The following KCNIP4 variants were observed in gnomAD, a reference collection of about 807,000 sequenced individuals.
The protein encoded by KCNIP4 is potassium voltage-gated channel interacting protein 4.
In KCNIP4, 12 loss-of-function variants were observed where a neutral mutation model predicts 34.0. The ratio of observed to expected loss-of-function variants is 0.35; its 90% CI spans 0.23 to 0.57. The LOEUF (loss-of-function observed/expected upper bound fraction) is 0.57. KCNIP4 is among the 20% of genes least tolerant of loss of function. KCNIP4 has a pLI of 0.83. For missense variants in KCNIP4, 238 were observed against 311.7 expected, an observed-to-expected ratio of 0.76 and a Z score of 1.78; for synonymous variants, 124 against 102.2, an observed-to-expected ratio of 1.21 and a Z score of -1.29.
Position 20,729,385 on chromosome 4 carries a change from A to G in KCNIP4, c.*697T>C, listed in dbSNP as rs748021650. On this transcript the variant is annotated 3_prime_UTR_variant, in exon 9 of 9. Transcript: ENST00000382152. Reference sequence around the variant, plus strand: ...GATTGAACAAATCCAAAATTATTATATAGGCCTTGGCTGTAACATATTATG... The same window carrying G: ...GATTGAACAAATCCAAAATTATTATGTAGGCCTTGGCTGTAACATATTATG... 4.6e-5 allele frequency: 7 copies of G among 152,330 alleles called. No individual in the cohort carries two copies. Among genetic ancestry groups the G allele is most frequent in the Admixed American group, 1.3e-4 (2 of 15,224 alleles). The allele number at this position is 152,330 out of a possible 1,614,324, so 9.4% of individuals were successfully genotyped here.
At chr4:21,064,294 T>C (rs533164389) in intron 1 of KCNIP4, among the ~76,000 whole-genome samples, 15 of 152,160 alleles carry the variant, frequency 9.9e-5, no homozygotes, top group Admixed American at 2.0e-4. Context: ...ACATATATTA[T>C]ACAGACAAGT....
intron 1 of KCNIP4, among the ~76,000 whole-genome samples, chr4:21,419,772 A>G (rs145386838): frequency 2.0e-5 from 3 of 152,286 alleles, no homozygotes; most frequent in African/African-American, 7.2e-5. Context: ...TAAACAATCC[A>G]AGGAGAGAAG....
intron 1 of KCNIP4, among the ~76,000 whole-genome samples, chr4:21,824,490 A>G (rs1722555135): frequency 6.6e-6 from 1 of 152,124 alleles, no homozygotes; most frequent in Admixed American, 6.6e-5. Context: ...CAGACCAGTA[A>G]TCTGGCTCAA....
chr4:21,586,095 A>G lies in KCNIP4; in HGVS notation c.61+362476T>C, dbSNP rs929677924. 2.6e-5 allele frequency among the ~76,000 whole-genome samples: 4 copies of G among 152,120 alleles called. 1 individual carries two copies. The highest frequency in any genetic ancestry group is 9.7e-5 in the African/African-American group (4 of 41,446). ...TTAATTTTCTCAGCAATTAATTAAGAACCAGCAATGAGTTAAGAACTCCAT... is the reference window on the plus strand; with the variant it reads ...TTAATTTTCTCAGCAATTAATTAAGGACCAGCAATGAGTTAAGAACTCCAT... On this transcript the variant is annotated intron_variant, in intron 1 of 8. Transcript: ENST00000382152.
At chr4:21,201,808 A>G (rs747313906) in intron 1 of KCNIP4, among the ~76,000 whole-genome samples, 8 of 152,174 alleles carry the variant, frequency 5.3e-5, no homozygotes, top group Non-Finnish European at 1.2e-4. Context: ...CATCACAGGT[A>G]TTTTCTAAGT....
intron 1 of KCNIP4, among the ~76,000 whole-genome samples, chr4:21,503,315 T>C (rs1182211761): frequency 2.6e-5 from 4 of 152,224 alleles, no homozygotes; most frequent in Admixed American, 6.5e-5. Context: ...CAATTAACTA[T>C]TGGGGAGGTA....
chr4:21,778,120 A>G (rs1577975382), intron 1 of KCNIP4, among the ~76,000 whole-genome samples: 1 of 152,122 alleles, frequency 6.6e-6, no homozygotes, highest in East Asian at 1.9e-4. Context: ...GAGCAGGAAA[A>G]AATAAATTGG....
intron 3 of KCNIP4, among the ~76,000 whole-genome samples, chr4:20,761,914 A>G (rs1386070601): frequency 2.0e-5 from 3 of 152,160 alleles, no homozygotes; most frequent in Non-Finnish European, 4.4e-5. Context: ...CTCTACAAAC[A>G]CATACTGTAT....
chr4:21,259,426 C>T (rs1326354375), intron 1 of KCNIP4, among the ~76,000 whole-genome samples: 1 of 152,118 alleles, frequency 6.6e-6, no homozygotes, highest in Non-Finnish European at 1.5e-5. Context: ...TGGTTTAAAG[C>T]CTAGTCACAA....
intron 1 of KCNIP4, among the ~76,000 whole-genome samples, chr4:21,464,527 A>T (rs1025627676): frequency 2.6e-5 from 4 of 151,988 alleles, no homozygotes; most frequent in Non-Finnish European, 5.9e-5. Context: ...CTGATTTCTC[A>T]TTTCATTCCA....
At chr4:20,974,866 C>T (rs930615113) in intron 1 of KCNIP4, among the ~76,000 whole-genome samples, 1 of 152,138 alleles carries the variant, frequency 6.6e-6, no homozygotes, top group Non-Finnish European at 1.5e-5. Flanking sequence ...TGATTGAATA[C>T]ATGATTATGC....
chr4:20,818,234 C>T (rs1716657847), intron 3 of KCNIP4, among the ~76,000 whole-genome samples: 1 of 152,112 alleles, frequency 6.6e-6, no homozygotes, highest in Admixed American at 6.6e-5. Flanking sequence ...AATGTTGAAA[C>T]TAAAAGGGGA....
At chr4:21,261,649 A>T (rs558464062) in intron 1 of KCNIP4, among the ~76,000 whole-genome samples, 3 of 152,308 alleles carry the variant, frequency 2.0e-5, no homozygotes, top group African/African-American at 7.2e-5. Context: ...CACTATACCC[A>T]GAAACCCAAA....
chr4:21,055,293 ACAGAAAC>A (rs953935233), intron 1 of KCNIP4, among the ~76,000 whole-genome samples: 1 of 152,222 alleles, frequency 6.6e-6, no homozygotes, highest in Non-Finnish European at 1.5e-5. Flanking sequence ...ATGTGGAACA[ACAGAAAC>A]TCCTATGCAT....
At chr4:21,719,525 T>C (rs969648647) in intron 1 of KCNIP4, among the ~76,000 whole-genome samples, 17 of 152,284 alleles carry the variant, frequency 1.1e-4, no homozygotes, top group Admixed American at 3.9e-4. Context: ...AAATAAAAGT[T>C]CAATGAATAT....
In KCNIP4 at chr4:21,659,111, T is replaced by C. The variant is rs545597579; in HGVS notation, c.61+289460A>G. 2.1e-3 allele frequency among the ~76,000 whole-genome samples: 323 copies of C among 152,332 alleles called. 2 individuals are homozygous for C. The highest frequency in any genetic ancestry group is 3.6e-3 in the Non-Finnish European group (246 of 68,020). ...TGCTTTTGTGCATTTTATGGTGTGA[T>C]ATTTTCTTTCAAAAGTGTTACTCTG... On this transcript the variant is annotated intron_variant, in intron 1 of 8. Transcript: ENST00000382152.
At chr4:21,074,375 T>C (rs1054107152) in intron 1 of KCNIP4, among the ~76,000 whole-genome samples, 1 of 152,240 alleles carries the variant, frequency 6.6e-6, no homozygotes, top group Non-Finnish European at 1.5e-5. Flanking sequence ...GGAGACTGTA[T>C]GTGTCCAGGA....
chr4:20,748,280 C>T (rs1040982050), intron 5 of KCNIP4, among the ~76,000 whole-genome samples: 1 of 152,020 alleles, frequency 6.6e-6, no homozygotes, highest in African/African-American at 2.4e-5. Context: ...TCCCTTGGTT[C>T]CCAGGCCTGA....
chr4:20,777,841 T>A (rs1280484780), intron 3 of KCNIP4, among the ~76,000 whole-genome samples: 1 of 152,072 alleles, frequency 6.6e-6, no homozygotes, highest in Non-Finnish European at 1.5e-5. Flanking sequence ...AGGTCAGAGG[T>A]CAAAGCTTAC....
Sources: allele counts gnomAD v4.1 joint callset (sites outside exome capture counted in the v4.1 genomes callset), GRCh38; gene constraint gnomAD v4.1.1; transcripts MANE v1.5; gene names NCBI Gene and HGNC (gene_info 2026-07-23, HGNC 2026-07-21).